The following B3GALT1 variants were observed in gnomAD, a reference collection of about 807,000 sequenced individuals.
The protein encoded by B3GALT1 is UDP-Gal:betaGlcNAc beta 1,3-galactosyltransferase, polypeptide 1.
A neutral mutation model predicts 23.2 loss-of-function variants in B3GALT1; 10 were observed. The observed-to-expected ratio is 0.43, with a 90% CI of 0.27 to 0.73. The LOEUF is 0.73. Ranked by LOEUF, B3GALT1 falls within the 30% of genes least tolerant of loss-of-function variation. The pLI is 0.21. For missense variants in B3GALT1, 299 were observed against 405.4 expected, an observed-to-expected ratio of 0.74 and a Z score of 2.25; for synonymous variants, 156 against 141.5, an observed-to-expected ratio of 1.10 and a Z score of -0.73.
intron 3 of B3GALT1, among the ~76,000 whole-genome samples, chr2:167,813,131 C>G (rs1688925595): frequency 6.6e-6 from 1 of 151,950 alleles, no homozygotes. Context: ...TATGACAGTA[C>G]AGAAAATAAC....
At chr2:167,575,164 G>C (rs1488084608) in intron 2 of B3GALT1, among the ~76,000 whole-genome samples, 1 of 151,758 alleles carries the variant, frequency 6.6e-6, no homozygotes, top group Admixed American at 6.6e-5. Flanking sequence ...AGTAATACAT[G>C]TAAATATGAA....
intron 3 of B3GALT1, among the ~76,000 whole-genome samples, chr2:167,711,095 C>T (rs1291602345): frequency 6.6e-6 from 1 of 152,120 alleles, no homozygotes; most frequent in African/African-American, 2.4e-5. Context: ...GCTCCAGCTA[C>T]TCTTGCCTTT....
chr2:167,720,104 A>G (rs1305310528), intron 3 of B3GALT1, among the ~76,000 whole-genome samples: 1 of 152,080 alleles, frequency 6.6e-6, no homozygotes, highest in African/African-American at 2.4e-5. Context: ...TTATATATAT[A>G]TTTTTTACAT....
At chr2:167,667,336 G>T (rs1435414509) in intron 3 of B3GALT1, among the ~76,000 whole-genome samples, 1 of 152,178 alleles carries the variant, frequency 6.6e-6, no homozygotes, top group Non-Finnish European at 1.5e-5. Flanking sequence ...AGTCTGAGGG[G>T]CTTCCCTTTG....
chr2:167,389,445 C>T (rs1019693819), intron 1 of B3GALT1, among the ~76,000 whole-genome samples: 5 of 152,142 alleles, frequency 3.3e-5, no homozygotes, highest in African/African-American at 7.2e-5. Flanking sequence ...CTGAAGGAAA[C>T]GACTACCCTA....
At chr2:167,717,296 T>A (rs1211584192) in intron 3 of B3GALT1, among the ~76,000 whole-genome samples, 1 of 79,734 alleles carries the variant, frequency 1.3e-5, no homozygotes, top group African/African-American at 3.0e-5. Flanking sequence ...ATCTATGAGT[T>A]TTTTTTTTAT....
intron 2 of B3GALT1, among the ~76,000 whole-genome samples, chr2:167,526,327 C>G (rs1194448799): frequency 6.6e-6 from 1 of 152,104 alleles, no homozygotes; most frequent in Non-Finnish European, 1.5e-5. Context: ...TTTTATTTCT[C>G]TGTAACTTCC....
intron 2 of B3GALT1, among the ~76,000 whole-genome samples, chr2:167,606,185 A>G (rs1021094776): frequency 4.6e-5 from 7 of 152,184 alleles, no homozygotes; most frequent in Admixed American, 6.5e-5. Flanking sequence ...CTTGCCACTC[A>G]TGGAATTAGA....
chr2:167,317,490 C>T (rs888381339), intron 1 of B3GALT1, among the ~76,000 whole-genome samples: 4 of 152,086 alleles, frequency 2.6e-5, no homozygotes, highest in Non-Finnish European at 5.9e-5. Context: ...CATACCAAGG[C>T]GGTCTGGTGA....
chr2:167,528,082 C>T (rs11897803), intron 2 of B3GALT1, among the ~76,000 whole-genome samples: 4 of 152,060 alleles, frequency 2.6e-5, no homozygotes, highest in African/African-American at 4.8e-5. Context: ...CATTTTGCAG[C>T]CCTCGTGGAG....
intron 2 of B3GALT1, among the ~76,000 whole-genome samples, chr2:167,601,302 C>A (rs1684874039): frequency 6.6e-6 from 1 of 152,162 alleles, no homozygotes; most frequent in Non-Finnish European, 1.5e-5. Context: ...CTGCTTTGGC[C>A]TCCCAAAGTG....
chr2:167,492,478 C>T (rs909071616), intron 2 of B3GALT1, among the ~76,000 whole-genome samples: 1 of 152,218 alleles, frequency 6.6e-6, no homozygotes, highest in Non-Finnish European at 1.5e-5. Context: ...GTTTTCAACT[C>T]ATTTAGGTAT....
chr2:167,441,309 C>A (rs1161572560), intron 1 of B3GALT1, among the ~76,000 whole-genome samples: 5 of 152,182 alleles, frequency 3.3e-5, no homozygotes. Flanking sequence ...TTAGCTGGAG[C>A]AAACTCTGAA....
At chr2:167,579,822 G>A (rs1450787262) in intron 2 of B3GALT1, among the ~76,000 whole-genome samples, 1 of 151,982 alleles carries the variant, frequency 6.6e-6, no homozygotes, top group Non-Finnish European at 1.5e-5. Context: ...TAATCTGTCT[G>A]TCTTTAAAGT....
chr2:167,426,980 A>T (rs1698631578), intron 1 of B3GALT1, among the ~76,000 whole-genome samples: 1 of 152,234 alleles, frequency 6.6e-6, no homozygotes, highest in Non-Finnish European at 1.5e-5. Context: ...CCAACAGCAA[A>T]ATGGATAAGT....
At chr2:167,707,657 T>C (rs1035636479) in intron 3 of B3GALT1, among the ~76,000 whole-genome samples, 5 of 152,188 alleles carry the variant, frequency 3.3e-5, no homozygotes, top group African/African-American at 7.2e-5. Flanking sequence ...TGTGATTTCA[T>C]TGGGCCCACC....
chr2:167,783,309 G>T (rs1475614888), intron 3 of B3GALT1, among the ~76,000 whole-genome samples: 1 of 152,114 alleles, frequency 6.6e-6, no homozygotes, highest in South Asian at 2.1e-4. Context: ...ACATTTTTCT[G>T]TTTATCTTCG....
At chr2:167,514,390 G>T (rs910106984) in intron 2 of B3GALT1, among the ~76,000 whole-genome samples, 1 of 152,072 alleles carries the variant, frequency 6.6e-6, no homozygotes, top group African/African-American at 2.4e-5. Context: ...ATTAATTTTT[G>T]AACATTAGAT....
Sources: gnomAD v4.1 joint callset for allele counts (sites outside exome capture counted in the v4.1 genomes callset) on GRCh38, gnomAD v4.1.1 for gene constraint, MANE v1.5 for transcripts, NCBI Gene and HGNC (gene_info 2026-07-23, HGNC 2026-07-21) for gene names.